AGAP1: variants seen among roughly 807,000 people sequenced by gnomAD.
AGAP1 encodes arf-GAP with GTPase, ANK repeat and PH domain-containing protein 1.
A neutral mutation model predicts 105.3 loss-of-function variants in AGAP1; 29 were observed. The ratio of observed to expected loss-of-function variants is 0.28; its 90% confidence interval spans 0.21 to 0.38. The LOEUF (loss-of-function observed/expected upper bound fraction) is 0.38. Among genes scored for constraint, AGAP1 ranks in the 10% least tolerant of loss-of-function variants. AGAP1 has a pLI of 1.00. For missense variants in AGAP1, 998 were observed against 1,165.1 expected, an observed-to-expected ratio of 0.86 and a Z score of 2.09; for synonymous variants, 509 against 485.9, an observed-to-expected ratio of 1.05 and a Z score of -0.63.
Position 235,959,199 on chromosome 2 carries a change from T to C in AGAP1, c.1484-9263T>C, listed in dbSNP as rs984244681. Among the ~76,000 whole-genome samples, 5 of 152,210 alleles carry C rather than the reference T, an allele frequency of 3.3e-5. No homozygotes were observed. The highest frequency in any genetic ancestry group is 7.3e-5 in the Non-Finnish European group (5 of 68,038). ...GTCGTCTGTCCCGGTGCCCGGTAAT[T>C]GATACAAAATAAAATGCATTCTTTG... is the stretch of plus-strand genomic sequence containing the variant. On this transcript the variant is annotated intron_variant, in intron 12 of 17. Coordinates refer to ENST00000304032, the MANE Select transcript of AGAP1 (RefSeq NM_001037131.3). This position sits in a 1 kb window ranked among gnomAD's most constrained non-coding sequence, Gnocchi z 7.3.
intron 1 of AGAP1, among the ~76,000 whole-genome samples, chr2:235,545,866 A>G (rs1287256176): frequency 6.6e-6 from 1 of 152,214 alleles, no homozygotes; most frequent in African/African-American, 2.4e-5. Context: ...CTGGTGAAGC[A>G]CCAGGCATCG....
chr2:235,605,382 A>G (rs1380426898), intron 1 of AGAP1, among the ~76,000 whole-genome samples: 1 of 152,230 alleles, frequency 6.6e-6, no homozygotes, highest in Non-Finnish European at 1.5e-5. Context: ...CTGCACAGCT[A>G]ATACCCAGAG....
rs556002324 is a variant in AGAP1 at position 235,824,759 on chromosome 2, C to T, written c.1050+17428C>T. 1.6e-4 allele frequency among the ~76,000 whole-genome samples: 24 copies of T among 152,158 alleles called. No individual in the cohort carries two copies. The East Asian group carries it at 2.5e-3, about 16-fold the overall frequency. On this transcript the variant is annotated intron_variant, in intron 9 of 17. Coordinates refer to ENST00000304032, the MANE Select transcript of AGAP1 (RefSeq NM_001037131.3). The surrounding 1 kb of genome is among the most constrained non-coding windows in gnomAD (Gnocchi z 5.2). ...ATATGAGACGGCCTGCATTCTTTCG[C>T]GGTACCAAGAAATGCTCAACCTAAA... is the stretch of plus-strand genomic sequence containing the variant.
chr2:235,955,662 T>C (rs1346212481), intron 12 of AGAP1, among the ~76,000 whole-genome samples: 1 of 152,238 alleles, frequency 6.6e-6, no homozygotes, highest in African/African-American at 2.4e-5. Flanking sequence ...ACCCATGGGA[T>C]GATATCTCAC....
intron 3 of AGAP1, among the ~76,000 whole-genome samples, chr2:235,731,716 A>G (rs1288726233): frequency 2.0e-5 from 3 of 152,194 alleles, no homozygotes; most frequent in African/African-American, 7.2e-5. Context: ...CGTTTCAGGA[A>G]GCTGACAGCC....
rs552529829 is a variant in AGAP1 at position 235,655,664 on chromosome 2, G to A, written c.164-53515G>A. ...GATCCCAGGCCAAGCAGTTAACTGC[G>A]TTCCAGCGAAGCAGGTGCCCCGTGT... On this transcript the variant is annotated intron_variant, in intron 1 of 17. Coordinates refer to ENST00000304032, the MANE Select transcript of AGAP1 (RefSeq NM_001037131.3). The surrounding 1 kb of genome is among the most constrained non-coding windows in gnomAD (Gnocchi z 4.3). Among the ~76,000 whole-genome samples, 125 of 152,322 alleles carry A rather than the reference G, an allele frequency of 8.2e-4. No homozygotes were observed. The highest frequency in any genetic ancestry group is 3.9e-3 in the South Asian group (19 of 4,824).
In AGAP1 at chr2:236,018,437, G is replaced by A. The variant is rs928417815; in HGVS notation, c.1646-18124G>A. On this transcript the variant is annotated intron_variant, in intron 13 of 17. Transcript: ENST00000304032. ...GGGAGGGAGGCCTCTTCGCTGCACC[G>A]CAGGGCAGAATTGCACAACACCTGG... 3.9e-5 allele frequency among the ~76,000 whole-genome samples: 6 copies of A among 152,318 alleles called. No individual in the cohort carries two copies. In the South Asian group the frequency reaches 8.3e-4, roughly 21 times the overall value.
rs977805098 is a variant in AGAP1, at chr2:235,634,518, C to G, written c.164-74661C>G. Among the ~76,000 whole-genome samples the G allele has an allele frequency of 2.0e-5, 3 of 152,150 alleles. No homozygotes were observed. In the East Asian group the frequency reaches 5.8e-4, roughly 29 times the overall value. The stretch of plus-strand genomic sequence containing the variant: ...CCAAGTTTTTGTGTCAAAATGGAGT[C>G]TCTCAGGCTGTGAAGCAAGCCCATC... On this transcript the variant is annotated intron_variant, in intron 1 of 17. Coordinates refer to ENST00000304032, the MANE Select transcript of AGAP1 (RefSeq NM_001037131.3).
Position 235,552,648 on chromosome 2 carries a change from T to G in AGAP1, c.163+57799T>G, listed in dbSNP as rs978138950. Among the ~76,000 whole-genome samples the G allele has an allele frequency of 6.6e-6, 1 of 151,988 alleles. No homozygotes were observed. Among genetic ancestry groups the G allele is most frequent in the African/African-American group, 2.4e-5 (1 of 41,394 alleles). On this transcript the variant is annotated intron_variant, in intron 1 of 17. Transcript: ENST00000304032. This position sits in a 1 kb window ranked among gnomAD's most constrained non-coding sequence, Gnocchi z 5.9. ...AGGTGCACACACACCTGGCAGAGGT[T>G]TGGAGCTGGGTTGTGGGTGAGGGAT... is the stretch of plus-strand genomic sequence containing the variant.
At position 235,931,017 on chromosome 2, in the gene AGAP1, C is replaced by T. The variant is rs1015371478; in HGVS notation, c.1483+94C>T. On this transcript the variant is annotated intron_variant, in intron 12 of 17. Coordinates refer to ENST00000304032, the MANE Select transcript of AGAP1 (RefSeq NM_001037131.3). The surrounding 1 kb of genome is among the most constrained non-coding windows in gnomAD (Gnocchi z 5.6). ...ACAGGACGCCCTAAGCTCTCATGCTCCTCTGGGAGCGCAGCACCCTGTGGG... is the reference window on the plus strand; with the variant it reads ...ACAGGACGCCCTAAGCTCTCATGCTTCTCTGGGAGCGCAGCACCCTGTGGG... The T allele has an allele frequency of 1.4e-6, 2 of 1,416,934 alleles. No individual in the cohort carries two copies. The highest frequency in any genetic ancestry group is 1.4e-5 in the African/African-American group (1 of 69,486). 87.8% of individuals were successfully genotyped at this position (1,416,934 alleles called of 1,614,324 possible).
rs2051308422 is a variant in AGAP1 at position 235,906,407 on chromosome 2, C to T, written c.1156-2331C>T. 6.6e-6 allele frequency among the ~76,000 whole-genome samples: 1 copy of T among 152,120 alleles called. No homozygotes were observed. Among genetic ancestry groups the T allele is most frequent in the South Asian group, 2.1e-4 (1 of 4,812 alleles). ...GGTGTTTTGAGCTTTCTGTCTGCACCAAGACTTCCGTCCTCAGGGGTCACC... is the reference window on the plus strand; with the variant it reads ...GGTGTTTTGAGCTTTCTGTCTGCACTAAGACTTCCGTCCTCAGGGGTCACC... On this transcript the variant is annotated intron_variant, in intron 10 of 17. Coordinates refer to ENST00000304032, the MANE Select transcript of AGAP1 (RefSeq NM_001037131.3). This position sits in a 1 kb window ranked among gnomAD's most constrained non-coding sequence, Gnocchi z 5.3.
At position 235,734,647 on chromosome 2, in the gene AGAP1, T is replaced by C. The variant is rs1283618682; in HGVS notation, c.311-6316T>C. 2.0e-5 allele frequency among the ~76,000 whole-genome samples: 3 copies of C among 152,210 alleles called. No homozygotes were observed. Among genetic ancestry groups the C allele is most frequent in the African/African-American group, 4.8e-5 (2 of 41,444 alleles). ...AGTTTCCTAAGCACAGTGATGATTA[T>C]TGGAGCTAAAGACAGAGGCCACCCT... On this transcript the variant is annotated intron_variant, in intron 3 of 17. Coordinates refer to ENST00000304032, the MANE Select transcript of AGAP1 (RefSeq NM_001037131.3). This position sits in a 1 kb window ranked among gnomAD's most constrained non-coding sequence, Gnocchi z 5.3.
intron 9 of AGAP1, among the ~76,000 whole-genome samples, chr2:235,821,182 G>A (rs1196722733): frequency 1.3e-5 from 2 of 152,134 alleles, no homozygotes; most frequent in Non-Finnish European, 2.9e-5. Context: ...AGTTAAATTA[G>A]TAATTGCTAA....
Position 236,055,016 on chromosome 2 carries a change from G to A in AGAP1, c.2114+5735G>A, listed in dbSNP as rs141854173. Among the ~76,000 whole-genome samples the A allele has an allele frequency of 1.4e-4, 22 of 152,332 alleles. 1 individual carries two copies. In the East Asian group the frequency reaches 4.0e-3, roughly 28 times the overall value. The stretch of plus-strand genomic sequence containing the variant: ...CAACTGGCTGATTTAATGATCCAAA[G>A]GGTAATTAATGGCCTGATTATCTTA... On this transcript the variant is annotated intron_variant, in intron 16 of 17. Transcript: ENST00000304032. The surrounding 1 kb of genome is among the most constrained non-coding windows in gnomAD (Gnocchi z 6.2).
rs2058095675 is a variant in AGAP1 at position 236,058,039 on chromosome 2, G to A, written c.2114+8758G>A. 6.6e-6 allele frequency among the ~76,000 whole-genome samples: 1 copy of A among 152,166 alleles called. No individual in the cohort carries two copies. Among genetic ancestry groups the A allele is most frequent in the African/African-American group, 2.4e-5 (1 of 41,426 alleles). The stretch of plus-strand genomic sequence containing the variant: ...TATATAATGGTTTATTGCAGCATCA[G>A]TATCACATGGAAAGGTATATTCTTG... On this transcript the variant is annotated intron_variant, in intron 16 of 17. Coordinates refer to ENST00000304032, the MANE Select transcript of AGAP1 (RefSeq NM_001037131.3). The surrounding 1 kb of genome is among the most constrained non-coding windows in gnomAD (Gnocchi z 4.6).
chr2:235,802,207 TAGG>T (rs993543913), intron 8 of AGAP1, among the ~76,000 whole-genome samples: 1 of 152,086 alleles, frequency 6.6e-6, no homozygotes, highest in Non-Finnish European at 1.5e-5. Flanking sequence ...CTCTGCACAC[TAGG>T]AGGAGAGACC....
chr2:235,757,945 A>G (rs1954069052), intron 6 of AGAP1, among the ~76,000 whole-genome samples: 1 of 152,192 alleles, frequency 6.6e-6, no homozygotes, highest in Non-Finnish European at 1.5e-5. Context: ...TGGGTCCTGC[A>G]TCATCTTGGA....
intron 1 of AGAP1, among the ~76,000 whole-genome samples, chr2:235,645,703 G>A (rs1313175763): frequency 2.0e-5 from 3 of 152,172 alleles, no homozygotes; most frequent in Non-Finnish European, 4.4e-5. Flanking sequence ...GGGAGGTGGG[G>A]AGACAAGGTC....
chr2:235,502,208 C>CCATG (rs1276181424), intron 1 of AGAP1, among the ~76,000 whole-genome samples: 1 of 152,052 alleles, frequency 6.6e-6, no homozygotes. Flanking sequence ...TCACAAGAGA[C>CCATG]CATGGCCAGA....
Sources: allele counts gnomAD v4.1 joint callset (sites outside exome capture counted in the v4.1 genomes callset), GRCh38; gene constraint gnomAD v4.1.1; non-coding constraint Gnocchi (gnomAD v3.1); transcripts MANE v1.5; gene names NCBI Gene and HGNC (gene_info 2026-07-23, HGNC 2026-07-21).